CAB39L: variants seen among roughly 807,000 people sequenced by gnomAD.
The protein encoded by CAB39L is calcium-binding protein 39-like.
In CAB39L, 23 loss-of-function variants were observed where a neutral mutation model predicts 39.1. The observed-to-expected ratio is 0.59, with a 90% CI of 0.42 to 0.83. The LOEUF is 0.83. CAB39L is among the 40% of genes least tolerant of loss of function. The probability of loss-of-function intolerance (pLI) is 0.00; values close to 1 mark genes in which losing one functional copy is unlikely to be tolerated. For synonymous variants in CAB39L, 126 were observed against 137.2 expected, an observed-to-expected ratio of 0.92 and a Z score of 0.57; for missense variants, 366 against 391.9, an observed-to-expected ratio of 0.93 and a Z score of 0.56.
intron 10 of CAB39L, among the ~76,000 whole-genome samples, chr13:49,312,822 AGTATAC>A (rs1434182334): frequency 2.1e-4 from 32 of 152,348 alleles, no homozygotes; most frequent in African/African-American, 7.7e-4. Flanking sequence ...TAACAAATCC[AGTATAC>A]GTACCTCACA....
intron 5 of CAB39L, among the ~76,000 whole-genome samples, chr13:49,366,861 C>G (rs1955788394): frequency 6.6e-6 from 1 of 152,042 alleles, no homozygotes; most frequent in South Asian, 2.1e-4. Context: ...ACTAAAAATA[C>G]AAAAATTAGC....
chr13:49,433,009 ATATAT>A (rs1957351700), intron 3 of CAB39L, among the ~76,000 whole-genome samples: 1 of 152,118 alleles, frequency 6.6e-6, no homozygotes, highest in Non-Finnish European at 1.5e-5. Flanking sequence ...ATCTCACAGG[ATATAT>A]TATACTTGTT....
chr13:49,374,280 C>T (rs1027430238), intron 5 of CAB39L, among the ~76,000 whole-genome samples: 12 of 151,820 alleles, frequency 7.9e-5, no homozygotes, highest in South Asian at 4.1e-4. Context: ...AGTTTAAAAA[C>T]GTATTATATC....
chr13:49,349,185 T>C (rs965883946), intron 7 of CAB39L, among the ~76,000 whole-genome samples: 3 of 152,132 alleles, frequency 2.0e-5, no homozygotes, highest in Non-Finnish European at 4.4e-5. Flanking sequence ...CTATTTACCA[T>C]CTAAGTCATA....
At position 49,364,415 on chromosome 13, in the gene CAB39L, C is replaced by T. The variant is rs188490843; in HGVS notation, c.277-4583G>A. Among the ~76,000 whole-genome samples the T allele has an allele frequency of 4.1e-3, 626 of 152,160 alleles. 2 individuals carry two copies. Among genetic ancestry groups the T allele is most frequent in the African/African-American group, 9.4e-3 (390 of 41,508 alleles). ...CATGACAACTTTTACCACTGTTATTCAACATAATATTGGAAGTCTTAGCCA... is the reference window on the plus strand; with the variant it reads ...CATGACAACTTTTACCACTGTTATTTAACATAATATTGGAAGTCTTAGCCA... On this transcript the variant is annotated intron_variant, in intron 5 of 10. Transcript: ENST00000409308.
In CAB39L at chr13:49,377,106, A is replaced by T; in HGVS notation, c.137T>A (p.Leu46Gln). The change falls in exon 5 of 11, where the codon CTG becomes CAG. Residue 46 changes from leucine to glutamine, a missense_variant. By Grantham distance (113) the Leu-to-Gln change is moderately radical. Transcript: ENST00000409308. ...ACACAGAATTTCTTTCATTGCTTGC[A>T]GTGATTTAGACACTTCTTCTGAAGC... ...DKASEEVSKS[L>Q]QAMKEILCGT... is the part of the protein sequence containing the mutation. 1 of 1,613,666 alleles carries T rather than the reference A, an allele frequency of 6.2e-7. No individual in the cohort carries two copies. Among genetic ancestry groups the T allele is most frequent in the Non-Finnish European group, 8.5e-7 (1 of 1,179,680 alleles).
At chr13:49,418,284 T>C (rs1957117431) in intron 3 of CAB39L, among the ~76,000 whole-genome samples, 1 of 152,192 alleles carries the variant, frequency 6.6e-6, no homozygotes, top group Non-Finnish European at 1.5e-5. Context: ...TCTCAAAAGG[T>C]CACATATTGT....
At chr13:49,338,092 CT>C (rs1372198948) in intron 9 of CAB39L, among the ~76,000 whole-genome samples, 1 of 152,160 alleles carries the variant, frequency 6.6e-6, no homozygotes, top group Non-Finnish European at 1.5e-5. Flanking sequence ...GTCTTTTAAT[CT>C]CTTGCCAGAT....
At chr13:49,370,977 AG>A (rs1955900526) in intron 5 of CAB39L, among the ~76,000 whole-genome samples, 1 of 152,154 alleles carries the variant, frequency 6.6e-6, no homozygotes, top group Non-Finnish European at 1.5e-5. Context: ...TTGTCCAGTG[AG>A]GGGCACAAAA....
chr13:49,386,831 T>C (rs1594036846), intron 3 of CAB39L, among the ~76,000 whole-genome samples: 2 of 139,264 alleles, frequency 1.4e-5, no homozygotes, highest in Non-Finnish European at 1.6e-5. Flanking sequence ...ACTAAACACC[T>C]CCCCCACTCC....
intron 9 of CAB39L, 148 bp from the exon 10 acceptor site, chr13:49,332,238 G>T: frequency 1.2e-6 from 1 of 867,938 alleles, no homozygotes; most frequent in Non-Finnish European, 1.7e-6. Context: ...GCATCTCAAA[G>T]CACAGGCATA....
intron 1 of CAB39L, among the ~76,000 whole-genome samples, chr13:49,439,527 C>T (rs1957470016): frequency 6.6e-6 from 1 of 152,214 alleles, no homozygotes; most frequent in Non-Finnish European, 1.5e-5. Flanking sequence ...CACATCTTTG[C>T]TATTGTGACT....
Position 49,371,469 on chromosome 13 carries a change from G to T in CAB39L, c.276+5498C>A, listed in dbSNP as rs1955916623. On this transcript the variant is annotated intron_variant, in intron 5 of 10. Transcript: ENST00000409308. ...ATTACAGACGTAAGCCACCACGCCT[G>T]GCCAAGGGCCACTTTAATCAGGTCC... Among the ~76,000 whole-genome samples the T allele has an allele frequency of 3.3e-5, 5 of 152,128 alleles. No homozygotes were observed. The South Asian group carries it at 1.0e-3, about 32-fold the overall frequency.
At chr13:49,433,618 G>A (rs1426178642) in intron 2 of CAB39L, among the ~76,000 whole-genome samples, 3 of 152,116 alleles carry the variant, frequency 2.0e-5, no homozygotes, top group African/African-American at 7.2e-5. Flanking sequence ...TTATCATCAA[G>A]GGAAACCAGT....
At chr13:49,387,909 G>T (rs541452531) in intron 3 of CAB39L, among the ~76,000 whole-genome samples, 5 of 152,238 alleles carry the variant, frequency 3.3e-5, no homozygotes, top group African/African-American at 1.2e-4. Flanking sequence ...GCAACTTCAA[G>T]GTACAAAATT....
chr13:49,428,015 T>C (rs1442547330), intron 3 of CAB39L, among the ~76,000 whole-genome samples: 2 of 152,202 alleles, frequency 1.3e-5, no homozygotes, highest in Non-Finnish European at 2.9e-5. Context: ...TACCATCTCA[T>C]TAGGGATTAA....
intron 10 of CAB39L, among the ~76,000 whole-genome samples, chr13:49,313,838 T>C (rs907883734): frequency 6.6e-6 from 1 of 152,086 alleles, no homozygotes; most frequent in Non-Finnish European, 1.5e-5. Flanking sequence ...GGGAACACAC[T>C]ATGAAAGGGC....
intron 6 of CAB39L, among the ~76,000 whole-genome samples, chr13:49,355,742 T>C (rs1402118005): frequency 6.6e-6 from 1 of 151,260 alleles, no homozygotes; most frequent in African/African-American, 2.4e-5. Context: ...ACTAGAAGAG[T>C]GTGTGTCTCT....
chr13:49,353,911 G>C (rs182346328), intron 6 of CAB39L, among the ~76,000 whole-genome samples: 1 of 151,966 alleles, frequency 6.6e-6, no homozygotes, highest in African/African-American at 2.4e-5. Context: ...TGTTTTTCAC[G>C]AAGCATGCAT....
Sources: allele counts gnomAD v4.1 joint callset (sites outside exome capture counted in the v4.1 genomes callset), GRCh38; gene constraint gnomAD v4.1.1; transcripts MANE v1.5; gene names NCBI Gene and HGNC (gene_info 2026-07-23, HGNC 2026-07-21).